The following UNC5D variants were observed in gnomAD, a reference collection of about 807,000 sequenced individuals.
UNC5D encodes unc-5 netrin receptor D, also known as netrin receptor UNC5D.
UNC5D carries 39 observed loss-of-function variants against 105.4 expected under a neutral mutation model. The ratio of observed to expected loss-of-function variants is 0.37; its 90% CI spans 0.29 to 0.48. UNC5D has a LOEUF of 0.48. Ranked by LOEUF, UNC5D falls within the 20% of genes least tolerant of loss-of-function variation. UNC5D has a pLI of 0.98. For synonymous variants in UNC5D, 452 were observed against 450.4 expected (o/e 1.00, Z -0.04); for missense variants, 991 against 1,202.4 (o/e 0.82, Z 2.60).
chr8:35,291,078 A>G (rs1807029899), intron 1 of UNC5D, among the ~76,000 whole-genome samples: 1 of 152,168 alleles, frequency 6.6e-6, no homozygotes, highest in Non-Finnish European at 1.5e-5. Flanking sequence ...ACCAATGCCC[A>G]GTAAACCAAG....
intron 1 of UNC5D, among the ~76,000 whole-genome samples, chr8:35,476,201 C>A (rs998433529): frequency 6.6e-6 from 1 of 152,064 alleles, no homozygotes; most frequent in Non-Finnish European, 1.5e-5. Context: ...AAGAAATGAG[C>A]CTTCAGATGA....
chr8:35,247,056 G>A (rs1215179128), intron 1 of UNC5D, among the ~76,000 whole-genome samples: 16 of 151,900 alleles, frequency 1.1e-4, no homozygotes, highest in Non-Finnish European at 1.3e-4. Context: ...ATTTCCGTCC[G>A]TCCCTGCCCA....
intron 1 of UNC5D, among the ~76,000 whole-genome samples, chr8:35,360,726 T>C (rs1801809277): frequency 6.6e-6 from 1 of 152,184 alleles, no homozygotes; most frequent in Admixed American, 6.6e-5. Flanking sequence ...TCTGGGAAAC[T>C]ATATGGGCAT....
intron 1 of UNC5D, among the ~76,000 whole-genome samples, chr8:35,496,769 T>G (rs994313458): frequency 1.3e-5 from 2 of 152,194 alleles, no homozygotes; most frequent in African/African-American, 4.8e-5. Flanking sequence ...AGAAATCCTA[T>G]GCTCATTTGC....
At chr8:35,539,639 G>C (rs1024841264) in intron 1 of UNC5D, among the ~76,000 whole-genome samples, 4 of 152,188 alleles carry the variant, frequency 2.6e-5, no homozygotes, top group Admixed American at 2.0e-4. Flanking sequence ...GAGTCGGTTC[G>C]GATTTTCTCT....
rs908172356 is a variant in UNC5D, at chr8:35,666,165, AT to A, written c.571-17372del. On this transcript the variant is annotated intron_variant, in intron 4 of 16. Transcript: ENST00000404895. Reference sequence around the variant, plus strand: ...GGAATGAGGGTTGCATGGGAATTTAATTTTTTTTTTGTAAATGTATGCCTAT... The same window carrying A: ...GGAATGAGGGTTGCATGGGAATTTAATTTTTTTTTGTAAATGTATGCCTAT... Among the ~76,000 whole-genome samples the A allele has an allele frequency of 2.5e-3, 379 of 149,662 alleles. 3 individuals are homozygous for A. The highest frequency in any genetic ancestry group is 0.016 in the Admixed American group (233 of 14,970).
chr8:35,297,411 G>A (rs957341755), intron 1 of UNC5D, among the ~76,000 whole-genome samples: 11 of 152,088 alleles, frequency 7.2e-5, no homozygotes, highest in Middle Eastern at 3.2e-3. Flanking sequence ...AAATGATGTC[G>A]TGACCAACTG....
intron 1 of UNC5D, among the ~76,000 whole-genome samples, chr8:35,272,141 T>A (rs1805449874): frequency 6.6e-6 from 1 of 151,918 alleles, no homozygotes. Flanking sequence ...AGAAAAAAAA[T>A]AAAACATGAG....
chr8:35,248,733 A>T (rs1333378440), intron 1 of UNC5D, among the ~76,000 whole-genome samples: 22 of 100,250 alleles, frequency 2.2e-4, no homozygotes, highest in African/African-American at 9.4e-4. Flanking sequence ...ATAAAAATAT[A>T]TAATATATAT....
At chr8:35,249,006 T>TCA in intron 1 of UNC5D, among the ~76,000 whole-genome samples, 1 of 74,684 alleles carries the variant, frequency 1.3e-5, no homozygotes, top group Non-Finnish European at 2.4e-5. Context: ...TATAAACATA[T>TCA]ATAATATATA....
chr8:35,663,179 A>G (rs963722294), intron 4 of UNC5D, among the ~76,000 whole-genome samples: 2 of 152,212 alleles, frequency 1.3e-5, no homozygotes. Context: ...AGATACACCA[A>G]TGAATGGATT....
At chr8:35,404,194 G>T (rs548412575) in intron 1 of UNC5D, among the ~76,000 whole-genome samples, 1 of 152,294 alleles carries the variant, frequency 6.6e-6, no homozygotes, top group Non-Finnish European at 1.5e-5. Flanking sequence ...AAAGATAACA[G>T]TATGTGGAGA....
At chr8:35,556,913 G>A (rs1469918425) in intron 2 of UNC5D, among the ~76,000 whole-genome samples, 1 of 152,126 alleles carries the variant, frequency 6.6e-6, no homozygotes, top group Non-Finnish European at 1.5e-5. Flanking sequence ...AGTTGCTCTG[G>A]TTTGAACACC....
At chr8:35,672,906 T>C (rs1415059271) in intron 4 of UNC5D, among the ~76,000 whole-genome samples, 1 of 152,170 alleles carries the variant, frequency 6.6e-6, no homozygotes, top group African/African-American at 2.4e-5. Flanking sequence ...AGGACAACAC[T>C]ATCTGACAAG....
At chr8:35,575,420 A>G (rs1818023995) in intron 3 of UNC5D, among the ~76,000 whole-genome samples, 2 of 152,150 alleles carry the variant, frequency 1.3e-5, no homozygotes, top group Admixed American at 1.3e-4. Flanking sequence ...CATAGCTTAC[A>G]TTGACAGATA....
intron 2 of UNC5D, among the ~76,000 whole-genome samples, chr8:35,554,769 T>A (rs1164394979): frequency 6.6e-6 from 1 of 152,188 alleles, no homozygotes; most frequent in Non-Finnish European, 1.5e-5. Context: ...CTCAGAGATA[T>A]CGAATTCTAA....
At chr8:35,579,872 T>C (rs1818357574) in intron 3 of UNC5D, among the ~76,000 whole-genome samples, 1 of 152,142 alleles carries the variant, frequency 6.6e-6, no homozygotes, top group Non-Finnish European at 1.5e-5. Flanking sequence ...CTGTCAAAGA[T>C]TTAAGGGGAG....
At chr8:35,682,906 G>A (rs1010160406) in intron 4 of UNC5D, among the ~76,000 whole-genome samples, 1 of 152,174 alleles carries the variant, frequency 6.6e-6, no homozygotes, top group Non-Finnish European at 1.5e-5. Context: ...AACTGTGTCA[G>A]CTACCTAACC....
At chr8:35,483,166 G>T (rs944711798) in intron 1 of UNC5D, among the ~76,000 whole-genome samples, 1 of 151,862 alleles carries the variant, frequency 6.6e-6, no homozygotes, top group Non-Finnish European at 1.5e-5. Context: ...TCTGGGCATT[G>T]GGAGTTTTGA....
Sources: allele counts gnomAD v4.1 joint callset (sites outside exome capture counted in the v4.1 genomes callset), GRCh38; gene constraint gnomAD v4.1.1; transcripts MANE v1.5; gene names NCBI Gene and HGNC (gene_info 2026-07-23, HGNC 2026-07-21).